Variants in ANKRD7 observed in about 807,000 individuals in gnomAD.
ANKRD7 encodes ankyrin repeat domain-containing protein 7.
Under a neutral mutation model 30.8 loss-of-function variants are expected in ANKRD7, and 30 were observed. The observed-to-expected ratio is 0.97, with a 90% CI of 0.73 to 1.32. The LOEUF is 1.32. ANKRD7 is among the 40% of genes most tolerant of loss of function. The pLI, the probability that ANKRD7 is intolerant of heterozygous loss-of-function variation, is 0.00. For missense variants in ANKRD7, 264 were observed against 295.7 expected (o/e 0.89, Z 0.79); for synonymous variants, 97 against 106.6 (o/e 0.91, Z 0.55).
At chr7:118,238,244 T>C (rs1488167796) in intron 5 of ANKRD7, among the ~76,000 whole-genome samples, 2 of 152,184 alleles carry the variant, frequency 1.3e-5, no homozygotes, top group Non-Finnish European at 2.9e-5. Flanking sequence ...CCATGAAGTT[T>C]TTGTCCTCTT....
At chr7:118,227,663 A>G (rs1809567408) in intron 1 of ANKRD7, among the ~76,000 whole-genome samples, 1 of 152,174 alleles carries the variant, frequency 6.6e-6, no homozygotes, top group South Asian at 2.1e-4. Context: ...CCTCAATTAC[A>G]TAATATCTTC....
chr7:118,225,325 C>CA (rs1809522855), intron 1 of ANKRD7, among the ~76,000 whole-genome samples: 1 of 151,838 alleles, frequency 6.6e-6, no homozygotes, highest in African/African-American at 2.4e-5. Flanking sequence ...CGTCTCTAAC[C>CA]AAAAATGCAA....
intron 1 of ANKRD7, among the ~76,000 whole-genome samples, chr7:118,228,733 G>A (rs1809584788): frequency 6.6e-6 from 1 of 152,094 alleles, no homozygotes; most frequent in South Asian, 2.1e-4. Context: ...TGATTAAACA[G>A]CAAATCTTGT....
At chr7:118,238,923 T>C (rs1196465496) in intron 5 of ANKRD7, among the ~76,000 whole-genome samples, 2 of 152,134 alleles carry the variant, frequency 1.3e-5, no homozygotes, top group African/African-American at 2.4e-5. Context: ...TTTTTGGAGA[T>C]AGAGCCTTTA....
chr7:118,236,957 G>A, intron 5 of ANKRD7, 31 bp downstream of exon 5: 1 of 1,609,216 alleles, frequency 6.2e-7, no homozygotes, highest in Non-Finnish European at 8.5e-7. Flanking sequence ...TTTAACAACT[G>A]TATGGGGTTT....
intron 1 of ANKRD7, among the ~76,000 whole-genome samples, chr7:118,231,256 A>G (rs1455275599): frequency 6.6e-6 from 1 of 152,008 alleles, no homozygotes; most frequent in African/African-American, 2.4e-5. Flanking sequence ...GTTAGCTTCT[A>G]TTTTTGTTTT....
At chr7:118,229,581 A>G (rs1216630378) in intron 1 of ANKRD7, among the ~76,000 whole-genome samples, 1 of 152,148 alleles carries the variant, frequency 6.6e-6, no homozygotes, top group Non-Finnish European at 1.5e-5. Flanking sequence ...ACTATTCAGC[A>G]ATAAATGCAA....
At chr7:118,230,250 G>A (rs1809611326) in intron 1 of ANKRD7, among the ~76,000 whole-genome samples, 1 of 151,914 alleles carries the variant, frequency 6.6e-6, no homozygotes, top group Non-Finnish European at 1.5e-5. Flanking sequence ...CTATCACATG[G>A]ACATAAAGGT....
rs1809738731 is a variant in ANKRD7 at position 118,236,838 on chromosome 7, GCTT to G, written c.632_634del (p.Leu211del). 1 of 1,613,934 alleles carries G rather than the reference GCTT, an allele frequency of 6.2e-7. No homozygotes were observed. The highest frequency in any genetic ancestry group is 2.2e-5 in the East Asian group (1 of 44,858). The stretch of plus-strand genomic sequence containing the variant: ...GTGGTGAACCACCATGTTTAGTAAA[GCTT>G]CTTCTTCAGCAAGGTGTGGAATTAT... On this transcript the variant is annotated inframe_deletion, in exon 5 of 7. Transcript: ENST00000265224.
chr7:118,234,055 T>G (rs1809684205), intron 1 of ANKRD7, among the ~76,000 whole-genome samples: 1 of 152,166 alleles, frequency 6.6e-6, no homozygotes, highest in Non-Finnish European at 1.5e-5. Flanking sequence ...TTAAGTAATA[T>G]CCTTTCCTCC....
intron 1 of ANKRD7, among the ~76,000 whole-genome samples, chr7:118,233,380 G>A (rs1469214517): frequency 1.3e-5 from 2 of 151,974 alleles, no homozygotes; most frequent in South Asian, 2.1e-4. Flanking sequence ...TATTGTAGTT[G>A]TATTACAGTC....
intron 4 of ANKRD7, 142 bp downstream of exon 4, chr7:118,236,289 C>T: frequency 2.0e-6 from 1 of 507,160 alleles, no homozygotes; most frequent in Non-Finnish European, 3.5e-6. Context: ...ACCATAAGAC[C>T]CGTAGGATGT....
chr7:118,225,342 G>C (rs969257869), intron 1 of ANKRD7, among the ~76,000 whole-genome samples: 12 of 152,100 alleles, frequency 7.9e-5, no homozygotes, highest in African/African-American at 2.7e-4. Flanking sequence ...GCAAAAATTA[G>C]TGGGGCGTGG....
At chr7:118,240,376 T>C (rs961883231) in intron 6 of ANKRD7, among the ~76,000 whole-genome samples, 1 of 151,902 alleles carries the variant, frequency 6.6e-6, no homozygotes, top group African/African-American at 2.4e-5. Flanking sequence ...TGTGATCTCA[T>C]TGTTCAATTC....
At chr7:118,241,133 C>T (rs1229932034) in intron 6 of ANKRD7, among the ~76,000 whole-genome samples, 1 of 138,170 alleles carries the variant, frequency 7.2e-6, no homozygotes, top group African/African-American at 2.7e-5. Flanking sequence ...CGCAGTCCGG[C>T]CTGGGCGACA....
At position 118,234,721 on chromosome 7, in the gene ANKRD7, G is replaced by A. The variant is rs1036491943; in HGVS notation, c.315G>A (p.Glu105=). ...AACAGGCAGTACAGTGTCAAAATGA[G>A]GATTGTGCTACTATTCTTCTAAACT... ...PLIKAVQCQN[E]DCATILLNFG... is the part of the protein sequence containing the mutation. The change falls in exon 3 of 7, where the codon GAG becomes GAA. Residue 105 remains glutamate, a synonymous_variant. Transcript: ENST00000265224. 25 of 1,609,526 alleles carry A rather than the reference G, an allele frequency of 1.6e-5. No individual in the cohort carries two copies. The highest frequency in any genetic ancestry group is 2.0e-5 in the Non-Finnish European group (24 of 1,178,868).
intron 1 of ANKRD7, among the ~76,000 whole-genome samples, chr7:118,229,317 T>C (rs1191214374): frequency 1.3e-5 from 2 of 152,190 alleles, no homozygotes; most frequent in Non-Finnish European, 2.9e-5. Context: ...TTTCCTACCC[T>C]TCTTCCCTGC....
chr7:118,227,767 A>G (rs1327309755), intron 1 of ANKRD7, among the ~76,000 whole-genome samples: 1 of 152,208 alleles, frequency 6.6e-6, no homozygotes, highest in Admixed American at 6.5e-5. Flanking sequence ...AATATGTACT[A>G]TCAGTGGCTG....
chr7:118,239,155 T>A (rs1165634354), intron 5 of ANKRD7, among the ~76,000 whole-genome samples: 1 of 152,148 alleles, frequency 6.6e-6, no homozygotes. Flanking sequence ...CTTGGCCTGT[T>A]AGGAATGGGG....
Sources: gnomAD v4.1 joint callset for allele counts (sites outside exome capture counted in the v4.1 genomes callset) on GRCh38, gnomAD v4.1.1 for gene constraint, MANE v1.5 for transcripts, NCBI Gene and HGNC (gene_info 2026-07-23, HGNC 2026-07-21) for gene names.